Variants in PPARGC1A observed in about 807,000 individuals in gnomAD.
PPARGC1A encodes PPARG coactivator 1 alpha.
A neutral mutation model predicts 88.7 loss-of-function variants in PPARGC1A; 25 were observed. The ratio of observed to expected loss-of-function variants is 0.28; its 90% CI spans 0.21 to 0.39. PPARGC1A has a LOEUF of 0.39. PPARGC1A is among the 10% of genes least tolerant of loss of function. The pLI is 1.00. For missense variants in PPARGC1A, 880 were observed against 968.7 expected (o/e 0.91, Z 1.22); for synonymous variants, 363 against 355.6 (o/e 1.02, Z -0.24).
chr4:24,098,856 C>T, the PPARGC1A span, among the ~76,000 whole-genome samples: 2 of 152,158 alleles, frequency 1.3e-5, no homozygotes, highest in Non-Finnish European at 2.9e-5. Flanking sequence ...TAAAAAACAA[C>T]ATATAGATGA....
the PPARGC1A span, among the ~76,000 whole-genome samples, chr4:24,056,746 T>C: frequency 6.6e-6 from 1 of 152,250 alleles, no homozygotes; most frequent in South Asian, 2.1e-4. Context: ...AGCGTACTTA[T>C]CATACCACCT....
chr4:23,949,505 T>C, the PPARGC1A span, among the ~76,000 whole-genome samples: 1 of 152,190 alleles, frequency 6.6e-6, no homozygotes, highest in Admixed American at 6.5e-5. Context: ...GAAGGAACAT[T>C]GACCAGGACA....
the PPARGC1A span, among the ~76,000 whole-genome samples, chr4:23,941,970 T>G: frequency 6.6e-6 from 1 of 152,144 alleles, no homozygotes; most frequent in Non-Finnish European, 1.5e-5. Context: ...CCAGAGCTCT[T>G]TGGACTCCCT....
At chr4:24,298,111 G>A in the PPARGC1A span, among the ~76,000 whole-genome samples, 1 of 151,634 alleles carries the variant, frequency 6.6e-6, no homozygotes, top group African/African-American at 2.4e-5. Flanking sequence ...CATTATCTGT[G>A]AGAGAAACTC....
At chr4:24,388,049 G>A in the PPARGC1A span, among the ~76,000 whole-genome samples, 1 of 151,698 alleles carries the variant, frequency 6.6e-6, no homozygotes, top group African/African-American at 2.4e-5. Context: ...AGAGTGAACA[G>A]GCAAATTACA....
chr4:24,014,009 C>T, the PPARGC1A span, among the ~76,000 whole-genome samples: 15 of 152,294 alleles, frequency 9.8e-5, no homozygotes, highest in Admixed American at 3.3e-4. Context: ...AGCAGCCACA[C>T]GCCTTCTTCC....
chr4:24,020,839 T>G, the PPARGC1A span, among the ~76,000 whole-genome samples: 1 of 152,182 alleles, frequency 6.6e-6, no homozygotes, highest in African/African-American at 2.4e-5. Context: ...CATCAGTACT[T>G]TGTACTTTTC....
chr4:24,141,787 C>T, the PPARGC1A span, among the ~76,000 whole-genome samples: 2 of 152,166 alleles, frequency 1.3e-5, no homozygotes, highest in African/African-American at 4.8e-5. Flanking sequence ...TCTCTCCCTT[C>T]AGGATCTAAA....
At chr4:23,998,918 A>G in the PPARGC1A span, among the ~76,000 whole-genome samples, 1 of 152,230 alleles carries the variant, frequency 6.6e-6, no homozygotes, top group African/African-American at 2.4e-5. Context: ...AAAATTCCAA[A>G]TGGGATACTG....
chr4:24,413,745 G>T, the PPARGC1A span, among the ~76,000 whole-genome samples: 1 of 152,168 alleles, frequency 6.6e-6, no homozygotes, highest in Admixed American at 6.5e-5. Context: ...ACATCAGCCT[G>T]AGAAGACCCT....
chr4:24,397,078 C>A, the PPARGC1A span, among the ~76,000 whole-genome samples: 5 of 152,060 alleles, frequency 3.3e-5, no homozygotes, highest in Admixed American at 2.6e-4. Flanking sequence ...GCACATGAGA[C>A]GTGAACCAAA....
At chr4:24,134,637 A>G in the PPARGC1A span, among the ~76,000 whole-genome samples, 33 of 152,376 alleles carry the variant, frequency 2.2e-4, no homozygotes, top group Admixed American at 1.1e-3. Flanking sequence ...TCTAATTGCT[A>G]AATTTAACAC....
the PPARGC1A span, among the ~76,000 whole-genome samples, chr4:24,015,815 T>C: frequency 6.6e-6 from 1 of 152,138 alleles, no homozygotes; most frequent in Admixed American, 6.6e-5. Flanking sequence ...CACTGCAAGA[T>C]TAAAGAAAAC....
chr4:23,792,682 A>T lies in PPARGC1A; in HGVS notation c.*3140T>A, dbSNP rs896007260. 4 of 152,604 alleles carry T rather than the reference A, an allele frequency of 2.6e-5. No individual in the cohort carries two copies. Among genetic ancestry groups the T allele is most frequent in the African/African-American group, 9.7e-5 (4 of 41,442 alleles). The allele number at this position is 152,604 out of a possible 1,614,324, so 9.5% of individuals were successfully genotyped here. A position where few individuals can be genotyped will look rare whatever the true frequency, so the allele number is the denominator to read the frequency against. On this transcript the variant is annotated 3_prime_UTR_variant, in exon 13 of 13. Transcript: ENST00000264867. ...TTGTAGATGTGGTACTTACCACGGC[A>T]TGAAGGCAATGGCCCACGGTCTTCT...
the PPARGC1A span, among the ~76,000 whole-genome samples, chr4:23,995,285 T>C: frequency 6.6e-6 from 1 of 152,136 alleles, no homozygotes. Flanking sequence ...CATGCACACA[T>C]ACATATCCCT....
the PPARGC1A span, among the ~76,000 whole-genome samples, chr4:24,057,755 T>C: frequency 6.6e-6 from 1 of 152,302 alleles, no homozygotes; most frequent in Middle Eastern, 3.4e-3. Flanking sequence ...TCACTTCTTT[T>C]GCAGTGAGAT....
the PPARGC1A span, among the ~76,000 whole-genome samples, chr4:24,099,032 C>T: frequency 2.6e-5 from 4 of 152,126 alleles, no homozygotes; most frequent in South Asian, 8.3e-4. Context: ...TTGTGATATG[C>T]TGGGCATCAA....
chr4:23,951,411 T>A, the PPARGC1A span, among the ~76,000 whole-genome samples: 1 of 151,866 alleles, frequency 6.6e-6, no homozygotes, highest in Non-Finnish European at 1.5e-5. Context: ...GGCTAGGGAG[T>A]ATGAGAAACA....
At chr4:23,852,198 G>T (rs1229303580) in intron 2 of PPARGC1A, among the ~76,000 whole-genome samples, 1 of 152,142 alleles carries the variant, frequency 6.6e-6, no homozygotes, top group Non-Finnish European at 1.5e-5. Flanking sequence ...CAAACTAGAG[G>T]TCTTCAGGAG....
Sources: allele counts gnomAD v4.1 joint callset (sites outside exome capture counted in the v4.1 genomes callset), GRCh38; gene constraint gnomAD v4.1.1; transcripts MANE v1.5; gene names NCBI Gene and HGNC (gene_info 2026-07-23, HGNC 2026-07-21).